CFAP54: variants seen among roughly 807,000 people sequenced by gnomAD.
CFAP54 encodes the protein cilia- and flagella-associated protein 54.
CFAP54 carries 290 observed loss-of-function variants against 370.4 expected under a neutral mutation model. The ratio of observed to expected loss-of-function variants is 0.78; its 90% confidence interval spans 0.71 to 0.86. The LOEUF is 0.86. Ranked by LOEUF, CFAP54 falls within the 40% of genes least tolerant of loss-of-function variation. The pLI is 0.00. For synonymous variants in CFAP54, 1,206 were observed against 1,236.5 expected (o/e 0.98, Z 0.52); for missense variants, 3,399 against 3,528.7 (o/e 0.96, Z 0.93).
chr12:96,772,168 C>T (rs2136680009), intron 60 of CFAP54, among the ~76,000 whole-genome samples: 1 of 152,230 alleles, frequency 6.6e-6, no homozygotes, highest in South Asian at 2.1e-4. Context: ...ATCTTCTCTG[C>T]AAGTGTCCAG....
Position 96,742,516 on chromosome 12 carries a change from G to A in CFAP54, c.7149G>A (p.Leu2383=), listed in dbSNP as rs1231433642. 6.2e-7 allele frequency: 1 copy of A among 1,613,236 alleles called. No homozygotes were observed. The highest frequency in any genetic ancestry group is 1.7e-5 in the Admixed American group (1 of 59,966). The change falls in exon 52 of 68, where the codon CTG becomes CTA. Residue 2383 remains leucine, a synonymous_variant. Transcript: ENST00000524981. ...CCCGAGAATATTTCAACATTCATCT[G>A]TGGTTGAGGTGCCGCTTAGCATTGG... The part of the protein sequence containing the change: ...LNAREYFNIH[L]WLRCRLALVT...
intron 51 of CFAP54, among the ~76,000 whole-genome samples, chr12:96,741,531 T>C (rs780143164): frequency 2.6e-5 from 4 of 152,152 alleles, no homozygotes; most frequent in Non-Finnish European, 5.9e-5. Flanking sequence ...CACCTGCATT[T>C]GAGCCCCTTT....
At chr12:96,704,198 C>T (rs373580780) in intron 46 of CFAP54, among the ~76,000 whole-genome samples, 18 of 151,698 alleles carry the variant, frequency 1.2e-4, no homozygotes, top group East Asian at 3.9e-4. Context: ...GAGGCTGAGG[C>T]GGGCAGATCA....
At chr12:96,827,861 A>G (rs1287415711) in intron 65 of CFAP54, among the ~76,000 whole-genome samples, 9 of 113,136 alleles carry the variant, frequency 8.0e-5, no homozygotes, top group African/African-American at 2.8e-4. Flanking sequence ...TATAATACAT[A>G]GTAATATATT....
intron 36 of CFAP54, among the ~76,000 whole-genome samples, chr12:96,656,379 T>C (rs1956923394): frequency 6.7e-6 from 1 of 149,736 alleles, no homozygotes; most frequent in Non-Finnish European, 1.5e-5. Context: ...ATATCAGCTT[T>C]GTTGGTTTTT....
Position 96,664,739 on chromosome 12 carries a change from CTATATATATATA to C in CFAP54, c.5563+811_5563+822del, listed in dbSNP as rs1433452591. Among the ~76,000 whole-genome samples, 74 of 25,826 alleles carry C rather than the reference CTATATATATATA, an allele frequency of 2.9e-3. 3 individuals carry two copies. The highest frequency in any genetic ancestry group is 7.8e-3 in the African/African-American group (56 of 7,206). The allele number at this position is 25,826 out of a possible 152,430, so 16.9% of individuals were successfully genotyped here. On this transcript the variant is annotated intron_variant, in intron 39 of 67. Coordinates refer to ENST00000524981, the MANE Select transcript of CFAP54 (RefSeq NM_001306084.2). Reference sequence around the variant, plus strand: ...TCTATATATATCTATATATATATATCTATATATATATATATCTATATATATCTATATCTATAT... The same window carrying C: ...TCTATATATATCTATATATATATATCTATCTATATATATCTATATCTATAT...
rs563084899 is a variant in CFAP54, at chr12:96,753,283, G to GACAAA, written c.7685-441_7685-437dup. Reference sequence around the variant, plus strand: ...CATGGGTTTGCTGTCTAGTGGAGATGACAAAACAAAACAAAACAAAACACA... The same window carrying GACAAA: ...CATGGGTTTGCTGTCTAGTGGAGATGACAAAACAAAACAAAACAAAACAAAACACA... On this transcript the variant is annotated intron_variant, in intron 55 of 67. Transcript: ENST00000524981. Among the ~76,000 whole-genome samples, 68 of 152,142 alleles carry GACAAA rather than the reference G, an allele frequency of 4.5e-4. No homozygotes were observed. In the East Asian group the frequency reaches 5.0e-3, roughly 11 times the overall value.
chr12:96,821,201 G>A (rs145240286), intron 65 of CFAP54, among the ~76,000 whole-genome samples: 1 of 152,234 alleles, frequency 6.6e-6, no homozygotes, highest in Non-Finnish European at 1.5e-5. Context: ...AACATCCTTG[G>A]TGGGCAGATG....
chr12:96,864,369 T>C (rs1941827172), intron 67 of CFAP54, among the ~76,000 whole-genome samples: 1 of 152,088 alleles, frequency 6.6e-6, no homozygotes, highest in Admixed American at 6.6e-5. Flanking sequence ...TTTCTCCATA[T>C]CAACCTCCAA....
At chr12:96,627,896 C>T (rs1019015941) in intron 30 of CFAP54, among the ~76,000 whole-genome samples, 6 of 152,124 alleles carry the variant, frequency 3.9e-5, no homozygotes, top group Admixed American at 2.0e-4. Context: ...GGAAGTCTAA[C>T]TTAAGAATAA....
chr12:96,804,299 C>A (rs1319060424), intron 63 of CFAP54, among the ~76,000 whole-genome samples: 2 of 152,098 alleles, frequency 1.3e-5, no homozygotes, highest in Non-Finnish European at 2.9e-5. Flanking sequence ...AGCTATCAGG[C>A]AAGAGAAAAC....
chr12:96,562,678 A>G (rs1258214178), intron 17 of CFAP54, among the ~76,000 whole-genome samples: 3 of 151,296 alleles, frequency 2.0e-5, no homozygotes, highest in East Asian at 3.9e-4. Context: ...CGATCTGCCC[A>G]CCTTGGCTTC....
chr12:96,574,409 A>G (rs1955955252), intron 19 of CFAP54, among the ~76,000 whole-genome samples: 1 of 152,318 alleles, frequency 6.6e-6, no homozygotes, highest in African/African-American at 2.4e-5. Context: ...AAAATGGAAT[A>G]GTGGCATTCT....
At position 96,554,318 on chromosome 12, in the gene CFAP54, T is replaced by C; in HGVS notation, c.2283+8T>C. Reference sequence around the variant, plus strand: ...GACCACTGCTATGCCAAGGTAAGAATGGAAGAGTCTTAAATTAGATTGAAG... The same window carrying C: ...GACCACTGCTATGCCAAGGTAAGAACGGAAGAGTCTTAAATTAGATTGAAG... On this transcript the variant is annotated splice_region_variant and intron_variant, in intron 16 of 67. Transcript: ENST00000524981. 2 of 1,504,016 alleles carry C rather than the reference T, an allele frequency of 1.3e-6. No individual in the cohort carries two copies. Among genetic ancestry groups the C allele is most frequent in the Admixed American group, 2.3e-5 (1 of 42,638 alleles). The allele number at this position is 1,504,016 out of a possible 1,614,324, so 93.2% of individuals were successfully genotyped here.
chr12:96,740,697 C>A (rs1958040801), intron 51 of CFAP54, among the ~76,000 whole-genome samples: 1 of 152,190 alleles, frequency 6.6e-6, no homozygotes, highest in African/African-American at 2.4e-5. Flanking sequence ...TCAATAGAGA[C>A]TCATTTCTTA....
intron 19 of CFAP54, among the ~76,000 whole-genome samples, chr12:96,568,756 G>A (rs1384770066): frequency 6.6e-6 from 1 of 152,060 alleles, no homozygotes; most frequent in Non-Finnish European, 1.5e-5. Context: ...TCCTGTCTCT[G>A]TTTTTCAGAA....
chr12:96,534,153 G>A lies in CFAP54; in HGVS notation c.1631G>A (p.Gly544Asp), dbSNP rs770687855. 1.0e-5 allele frequency: 16 copies of A among 1,527,662 alleles called. No homozygotes were observed. The South Asian group carries it at 1.8e-4, about 17-fold the overall frequency. 94.6% of individuals were successfully genotyped at this position (1,527,662 alleles called of 1,614,324 possible). The change falls in exon 11 of 68, where the codon GGT (glycine) becomes GAT (aspartate). Residue 544 changes from glycine to aspartate, a missense_variant. Around this residue, in one of 3 missense-constraint regions of CFAP54, gnomAD observed 44 missense variants for 82.3 expected, o/e 0.53. Transcript: ENST00000524981. ...CTAATCAACGTGAAGAGAAACAAAG[G>A]TTTGATCTTTCCTTTGGAAAACTAT... ...EPLINVKRNKGLIFPLENYKE... is the reference protein window; with the variant it reads ...EPLINVKRNKDLIFPLENYKE...
At chr12:96,827,740 T>TATATATAATTATATTTAATATA (rs1959134674) in intron 65 of CFAP54, among the ~76,000 whole-genome samples, 2 of 123,680 alleles carry the variant, frequency 1.6e-5, no homozygotes, top group African/African-American at 6.2e-5. Context: ...TTAATATAAT[T>TATATATAATTATATTTAATATA]ATATATAATA....
intron 44 of CFAP54, among the ~76,000 whole-genome samples, chr12:96,692,857 A>G (rs1413911457): frequency 6.6e-6 from 1 of 152,210 alleles, no homozygotes; most frequent in African/African-American, 2.4e-5. Flanking sequence ...TTGCTAACTA[A>G]TGGGGATCCC....
Sources: allele counts gnomAD v4.1 joint callset (sites outside exome capture counted in the v4.1 genomes callset), GRCh38; gene constraint gnomAD v4.1.1; regional missense constraint gnomAD v4.1.1; transcripts MANE v1.5; gene names NCBI Gene and HGNC (gene_info 2026-07-23, HGNC 2026-07-21).